The following PPP2R3B variants were observed in gnomAD, a reference collection of about 807,000 sequenced individuals.
The protein encoded by PPP2R3B is protein phosphatase 2 regulatory subunit B''beta.
PPP2R3B carries 68 observed loss-of-function variants against 72.9 expected under a neutral mutation model. The ratio of observed to expected loss-of-function variants is 0.93; its 90% CI spans 0.77 to 1.14. The LOEUF is 1.14. PPP2R3B is among the 50% of genes most tolerant of loss of function. The pLI is 0.00. For missense variants in PPP2R3B, 1,018 were observed against 842.0 expected, an observed-to-expected ratio of 1.21 and a Z score of -2.59; for synonymous variants, 466 against 375.8, an observed-to-expected ratio of 1.24 and a Z score of -2.78.
chrX:355,771 A>C (rs1049912011), intron 2 of PPP2R3B, among the ~76,000 whole-genome samples: 4 of 152,222 alleles, frequency 2.6e-5, no homozygotes, highest in Non-Finnish European at 4.4e-5. Context: ...AATTCCGGCT[A>C]ATCTATATTG....
chrX:364,295 G>C (rs2071635975), intron 1 of PPP2R3B, among the ~76,000 whole-genome samples: 1 of 152,122 alleles, frequency 6.6e-6, no homozygotes, highest in Non-Finnish European at 1.5e-5. Context: ...TGGGCAGGGG[G>C]GAGTTCTCCC....
In PPP2R3B at chrX:334,393, C is replaced by A. The variant is rs151147105; in HGVS notation, c.1702G>T (p.Gly568Trp). 3 of 1,547,692 alleles carry A rather than the reference C, an allele frequency of 1.9e-6. No individual in the cohort carries two copies. Among genetic ancestry groups the A allele is most frequent in the African/African-American group, 1.4e-5 (1 of 70,724 alleles). Residue 568 changes from glycine to tryptophan, a missense_variant, in exon 13 of 13, where the codon GGG (glycine) becomes TGG (tryptophan). Coordinates refer to ENST00000390665, the MANE Select transcript of PPP2R3B (RefSeq NM_013239.5). ...CACAGCGGCTCCAGGTCCTCGTCCC[C>A]GCATGCGTACTCGTACAGGTCCACG... is the stretch of plus-strand genomic sequence containing the variant. The part of the protein sequence containing the change: ...GAVDLYEYAC[G>W]DEDLEPL
intron 1 of PPP2R3B, among the ~76,000 whole-genome samples, chrX:367,246 A>T (rs1039473203): frequency 3.9e-5 from 6 of 152,122 alleles, no homozygotes; most frequent in Admixed American, 6.6e-5. Context: ...TAAATCAGTG[A>T]TAACAATGTA....
At position 335,500 on chromosome X, in the gene PPP2R3B, G is replaced by A. The variant is rs774232249; in HGVS notation, c.1578-983C>T. Reference sequence around the variant, plus strand: ...CTGTGCTGCTTGGCAGGAATCGGACGGGGCGGCTGATGGGGGAGCAGGGGT... The same window carrying A: ...CTGTGCTGCTTGGCAGGAATCGGACAGGGCGGCTGATGGGGGAGCAGGGGT... On this transcript the variant is annotated intron_variant, in intron 12 of 12. Transcript: ENST00000390665. The A allele has an allele frequency of 3.3e-5, 5 of 152,326 alleles. No individual in the cohort carries two copies. In the South Asian group the frequency reaches 8.3e-4, roughly 25 times the overall value. The allele number at this position is 152,326 out of a possible 1,614,324, so 9.4% of individuals were successfully genotyped here.
intron 2 of PPP2R3B, among the ~76,000 whole-genome samples, chrX:358,855 G>A (rs2071487005): frequency 6.6e-6 from 1 of 150,480 alleles, no homozygotes; most frequent in African/African-American, 2.4e-5. Context: ...GAGAAGCACC[G>A]TGGGGATGAA....
chrX:341,508 C>CCTCCTGCCCCA, intron 8 of PPP2R3B, 112 bp from the exon 9 acceptor site: 1 of 1,066,044 alleles, frequency 9.4e-7, no homozygotes, highest in Non-Finnish European at 1.4e-6. Flanking sequence ...GCCCGGCCCT[C>CCTCCTGCCCCA]CTCCTGCCCC....
intron 12 of PPP2R3B, chrX:337,374 C>T (rs747806758): frequency 2.0e-4 from 30 of 152,394 alleles, no homozygotes; most frequent in African/African-American, 1.9e-4. Context: ...GCCACCGCGC[C>T]CGGCCAGAAG....
Position 386,681 on chromosome X carries a change from C to G in PPP2R3B, c.11G>C (p.Gly4Ala). ...CTTCAGGACCGGCTGCAGCACTTTG[C>G]CGGGCGGCATGGCGGGGGCTGGGCC... MPP[G>A]KVLQPVLKMK... Residue 4 changes from glycine to alanine, a missense_variant, in exon 1 of 13, where the codon GGC becomes GCC. By Grantham distance (60) the Gly-to-Ala change is moderately conservative. Coordinates refer to ENST00000390665, the MANE Select transcript of PPP2R3B (RefSeq NM_013239.5). 1 of 1,313,284 alleles carries G rather than the reference C, an allele frequency of 7.6e-7. No homozygotes were observed. The allele number at this position is 1,313,284 out of a possible 1,614,324, so 81.4% of individuals were successfully genotyped here.
intron 1 of PPP2R3B, among the ~76,000 whole-genome samples, chrX:371,380 G>A (rs2071859994): frequency 1.3e-5 from 2 of 152,114 alleles, no homozygotes. Flanking sequence ...GTCGCTGAAC[G>A]CCCCCACCCC....
intron 1 of PPP2R3B, among the ~76,000 whole-genome samples, chrX:364,659 A>C (rs757025709): frequency 2.1e-4 from 23 of 109,940 alleles, no homozygotes; most frequent in Admixed American, 6.2e-4. Flanking sequence ...CGGAGGTTGC[A>C]GTGAGCTGAG....
chrX:358,854 C>T (rs758128537), intron 2 of PPP2R3B, among the ~76,000 whole-genome samples: 43 of 130,322 alleles, frequency 3.3e-4, no homozygotes, highest in Non-Finnish European at 5.5e-4. Flanking sequence ...GGAGAAGCAC[C>T]GTGGGGATGA....
intron 1 of PPP2R3B, among the ~76,000 whole-genome samples, chrX:363,814 C>G (rs2071618702): frequency 6.6e-6 from 1 of 152,262 alleles, no homozygotes; most frequent in Non-Finnish European, 1.5e-5. Flanking sequence ...TGGGTTCACA[C>G]AGCTCTGCTA....
At chrX:371,113 G>A (rs1344617418) in intron 1 of PPP2R3B, among the ~76,000 whole-genome samples, 1 of 152,060 alleles carries the variant, frequency 6.6e-6, no homozygotes, top group East Asian at 1.9e-4. Flanking sequence ...GTTGCCCGGG[G>A]ACAGAAGGCC....
At chrX:358,711 C>T (rs1218819517) in intron 2 of PPP2R3B, among the ~76,000 whole-genome samples, 3 of 152,184 alleles carry the variant, frequency 2.0e-5, no homozygotes, top group Non-Finnish European at 4.4e-5. Flanking sequence ...CGAGGTGACA[C>T]CGAGAACTGA....
At position 384,036 on chromosome X, in the gene PPP2R3B, G is replaced by C. The variant is rs749081414; in HGVS notation, c.324+2332C>G. Among the ~76,000 whole-genome samples, 4 of 151,890 alleles carry C rather than the reference G, an allele frequency of 2.6e-5. No homozygotes were observed. The South Asian group carries it at 8.3e-4, about 32-fold the overall frequency. On this transcript the variant is annotated intron_variant, in intron 1 of 12. Transcript: ENST00000390665. ...CAGACTCTGTGGCAAACAAGACCAA[G>C]GGCCACCTGAGGTGAGGGTTAAGTC...
At chrX:346,826 G>A in intron 4 of PPP2R3B, 51 bp from the exon 5 acceptor site, 1 of 1,540,552 alleles carries the variant, frequency 6.5e-7, no homozygotes, top group Non-Finnish European at 8.9e-7. Context: ...GCCCTCCCGT[G>A]AGGTGTGCGG....
At chrX:355,649 G>A (rs1485627571) in intron 2 of PPP2R3B, among the ~76,000 whole-genome samples, 3 of 152,180 alleles carry the variant, frequency 2.0e-5, no homozygotes, top group Non-Finnish European at 4.4e-5. Flanking sequence ...TGCCACAAAC[G>A]TCTCCGAGTT....
chrX:358,905 T>G (rs1312561010), intron 2 of PPP2R3B, among the ~76,000 whole-genome samples: 3 of 19,844 alleles, frequency 1.5e-4, no homozygotes, highest in Non-Finnish European at 2.7e-4. Context: ...GGAAGCACCG[T>G]GGGGACGGGC....
At chrX:344,698 G>C (rs1433023790) in intron 7 of PPP2R3B, among the ~76,000 whole-genome samples, 1 of 152,250 alleles carries the variant, frequency 6.6e-6, no homozygotes, top group Non-Finnish European at 1.5e-5. Flanking sequence ...TAGGGGCCCA[G>C]GGCGCAGGTG....
Sources: gnomAD v4.1 joint callset for allele counts (sites outside exome capture counted in the v4.1 genomes callset) on GRCh38, gnomAD v4.1.1 for gene constraint, MANE v1.5 for transcripts, NCBI Gene and HGNC (gene_info 2026-07-23, HGNC 2026-07-21) for gene names.